Variants in MALRD1 observed in about 807,000 individuals in gnomAD.
The protein encoded by MALRD1 is MAM and LDL receptor class A domain containing 1, also known as MAM and LDL-receptor class A domain-containing protein 1.
In MALRD1, 247 loss-of-function variants were observed where a neutral mutation model predicts 242.1. The ratio of observed to expected loss-of-function variants is 1.02; its 90% CI spans 0.92 to 1.13. The LOEUF is 1.13. MALRD1 is among the 50% of genes most tolerant of loss of function. The pLI is 0.00. For missense variants in MALRD1, 2,989 were observed against 2,533.1 expected (o/e 1.18, Z -3.86); for synonymous variants, 995 against 866.6 (o/e 1.15, Z -2.60).
At chr10:19,687,103 C>A (rs1842612470) in intron 36 of MALRD1, among the ~76,000 whole-genome samples, 1 of 151,776 alleles carries the variant, frequency 6.6e-6, no homozygotes, top group African/African-American at 2.4e-5. Flanking sequence ...ATAAGATGGC[C>A]AAAGTAATTA....
intron 36 of MALRD1, among the ~76,000 whole-genome samples, chr10:19,642,495 A>T (rs1840435321): frequency 6.6e-6 from 1 of 152,162 alleles, no homozygotes; most frequent in Non-Finnish European, 1.5e-5. Context: ...GTGGAAGATA[A>T]AGGAAAAGCA....
chr10:19,580,476 C>T (rs1263842776), intron 33 of MALRD1, among the ~76,000 whole-genome samples: 3 of 152,138 alleles, frequency 2.0e-5, no homozygotes, highest in Admixed American at 6.5e-5. Flanking sequence ...TGAATGACAT[C>T]GCCCATCATC....
At chr10:19,725,727 G>A (rs1040405281) in intron 38 of MALRD1, among the ~76,000 whole-genome samples, 2 of 152,104 alleles carry the variant, frequency 1.3e-5, no homozygotes. Flanking sequence ...ATCGGCATGA[G>A]GCATGAGAAC....
chr10:19,239,063 CTTT>C (rs35623542), intron 18 of MALRD1, among the ~76,000 whole-genome samples: 4 of 136,888 alleles, frequency 2.9e-5, no homozygotes, highest in Non-Finnish European at 1.6e-5. Flanking sequence ...TTGTCCTTTT[CTTT>C]TTTTTTTTTT....
intron 26 of MALRD1, among the ~76,000 whole-genome samples, chr10:19,369,551 T>C (rs1845274503): frequency 6.7e-6 from 1 of 149,216 alleles, no homozygotes; most frequent in Non-Finnish European, 1.5e-5. Context: ...TATTTAAATA[T>C]ATTTACATAT....
At chr10:19,663,909 G>C (rs1841558781) in intron 36 of MALRD1, among the ~76,000 whole-genome samples, 1 of 151,982 alleles carries the variant, frequency 6.6e-6, no homozygotes, top group African/African-American at 2.4e-5. Context: ...CAGGCCTTTT[G>C]GGGAACTTTT....
At chr10:19,706,600 C>T (rs770429857) in intron 38 of MALRD1, among the ~76,000 whole-genome samples, 1 of 152,116 alleles carries the variant, frequency 6.6e-6, no homozygotes, top group Non-Finnish European at 1.5e-5. Context: ...GATCTGCCCA[C>T]CTCGGCCTCC....
intron 36 of MALRD1, among the ~76,000 whole-genome samples, chr10:19,639,729 T>C (rs1033003673): frequency 6.6e-6 from 1 of 152,188 alleles, no homozygotes; most frequent in Non-Finnish European, 1.5e-5. Flanking sequence ...CCAACATATA[T>C]GCCTCTGGTG....
In MALRD1 at chr10:19,133,748, A is replaced by G. The variant is rs1360043013; in HGVS notation, c.1111-108A>G. Reference sequence around the variant, plus strand: ...GACTTTAGATTTCCTAGTACTTTATATCATACAGGTAAGGTAATACCTACT... The same window carrying G: ...GACTTTAGATTTCCTAGTACTTTATGTCATACAGGTAAGGTAATACCTACT... On this transcript the variant is annotated intron_variant, in intron 8 of 39. Coordinates refer to ENST00000454679, the MANE Select transcript of MALRD1 (RefSeq NM_001142308.3). The G allele has an allele frequency of 2.3e-5, 10 of 429,262 alleles. No individual in the cohort carries two copies. The Admixed American group carries it at 4.0e-4, about 17-fold the overall frequency. The allele number at this position is 429,262 out of a possible 1,614,324, so 26.6% of individuals were successfully genotyped here.
chr10:19,658,908 A>G lies in MALRD1; in HGVS notation c.6138-33374A>G, dbSNP rs567572048. Reference sequence around the variant, plus strand: ...AAGAATGCCATTAAAAACAATCTTGATTTTTTTTAAGAAAGAAATGAAAAA... The same window carrying G: ...AAGAATGCCATTAAAAACAATCTTGGTTTTTTTTAAGAAAGAAATGAAAAA... On this transcript the variant is annotated intron_variant, in intron 36 of 39. Coordinates refer to ENST00000454679, the MANE Select transcript of MALRD1 (RefSeq NM_001142308.3). Among the ~76,000 whole-genome samples, 9 of 151,998 alleles carry G rather than the reference A, an allele frequency of 5.9e-5. No homozygotes were observed. The South Asian group carries it at 1.9e-3, about 32-fold the overall frequency.
intron 9 of MALRD1, 52 bp downstream of exon 9, chr10:19,134,000 T>A: frequency 1.0e-6 from 1 of 961,848 alleles, no homozygotes; most frequent in African/African-American, 1.7e-5. Context: ...AGTTTTAGCT[T>A]TGCAGTAATA....
intron 14 of MALRD1, among the ~76,000 whole-genome samples, chr10:19,181,099 C>T (rs1286582384): frequency 6.6e-6 from 1 of 152,036 alleles, no homozygotes; most frequent in African/African-American, 2.4e-5. Context: ...AAAGAGTACT[C>T]ATACTGTTGG....
chr10:19,517,239 G>A (rs1205568772), intron 31 of MALRD1, among the ~76,000 whole-genome samples: 1 of 152,160 alleles, frequency 6.6e-6, no homozygotes, highest in Non-Finnish European at 1.5e-5. Flanking sequence ...TTATTGTCCT[G>A]GGAGTCAAGC....
chr10:19,309,606 T>C lies in MALRD1; in HGVS notation c.3420-14343T>C, dbSNP rs184218046. 1.3e-4 allele frequency among the ~76,000 whole-genome samples: 19 copies of C among 151,506 alleles called. No homozygotes were observed. The East Asian group carries it at 3.5e-3, about 28-fold the overall frequency. ...AGTAAGTAGAGACTGTGTGAACAGGTGAAAAGGTGGTGTTGGTGTTTAATA... is the reference window on the plus strand; with the variant it reads ...AGTAAGTAGAGACTGTGTGAACAGGCGAAAAGGTGGTGTTGGTGTTTAATA... On this transcript the variant is annotated intron_variant, in intron 21 of 39. Coordinates refer to ENST00000454679, the MANE Select transcript of MALRD1 (RefSeq NM_001142308.3).
chr10:19,657,290 TC>T (rs1207783204), intron 36 of MALRD1, among the ~76,000 whole-genome samples: 1 of 152,156 alleles, frequency 6.6e-6, no homozygotes, highest in Non-Finnish European at 1.5e-5. Context: ...TTGAATAAGC[TC>T]CCCTTTCCCA....
At chr10:19,694,062 T>C (rs1833241866) in intron 38 of MALRD1, among the ~76,000 whole-genome samples, 1 of 152,088 alleles carries the variant, frequency 6.6e-6, no homozygotes, top group Admixed American at 6.5e-5. Flanking sequence ...TTACACCTTA[T>C]ACAAAAATTA....
At chr10:19,475,104 G>A (rs1235608532) in intron 29 of MALRD1, among the ~76,000 whole-genome samples, 1 of 152,190 alleles carries the variant, frequency 6.6e-6, no homozygotes, top group East Asian at 1.9e-4. Flanking sequence ...AGGATTTTAA[G>A]ATTTCATTTA....
intron 35 of MALRD1, among the ~76,000 whole-genome samples, chr10:19,612,300 A>T (rs879492043): frequency 6.6e-6 from 1 of 151,892 alleles, no homozygotes; most frequent in African/African-American, 2.4e-5. Flanking sequence ...CATGCCCCCC[A>T]GTCCTGAGGT....
intron 32 of MALRD1, among the ~76,000 whole-genome samples, chr10:19,560,784 G>A (rs1157388144): frequency 6.6e-6 from 1 of 152,048 alleles, no homozygotes; most frequent in Non-Finnish European, 1.5e-5. Flanking sequence ...GACACAGGGA[G>A]TGGAACATCA....
Sources: gnomAD v4.1 joint callset for allele counts (sites outside exome capture counted in the v4.1 genomes callset) on GRCh38, gnomAD v4.1.1 for gene constraint, MANE v1.5 for transcripts, NCBI Gene and HGNC (gene_info 2026-07-23, HGNC 2026-07-21) for gene names.